Variants in MEI4 observed in about 807,000 individuals in gnomAD.
MEI4 encodes the protein meiosis-specific protein MEI4.
In MEI4, 27 loss-of-function variants were observed where a neutral mutation model predicts 31.4. The ratio of observed to expected loss-of-function variants is 0.86; its 90% CI spans 0.63 to 1.19. The LOEUF (loss-of-function observed/expected upper bound fraction) is 1.19. MEI4 is among the 50% of genes most tolerant of loss of function. The probability of loss-of-function intolerance (pLI) is 0.00; values close to 1 mark genes in which losing one functional copy is unlikely to be tolerated. For synonymous variants in MEI4, 122 were observed against 145.4 expected (o/e 0.84, Z 1.16); for missense variants, 329 against 398.9 (o/e 0.82, Z 1.49).
chr6:77,915,431 CT>C (rs925429449), intron 4 of MEI4, among the ~76,000 whole-genome samples: 6 of 151,804 alleles, frequency 4.0e-5, no homozygotes, highest in African/African-American at 1.5e-4. Flanking sequence ...AGGTTTTTTC[CT>C]TTTTTTAGAC....
rs192909103 is a variant in MEI4 at position 77,823,892 on chromosome 6, G to C, written c.769-5039G>C. On this transcript the variant is annotated intron_variant, in intron 3 of 4. Transcript: ENST00000684080. ...TATCCTACTGTCCAGCTTGCTTACA[G>C]TGCTGGCCTGTTACAGAGGTTGATG... 4.1e-3 allele frequency among the ~76,000 whole-genome samples: 581 copies of C among 141,558 alleles called. 3 individuals are homozygous for C. The highest frequency in any genetic ancestry group is 6.4e-3 in the Non-Finnish European group (414 of 65,084). 92.9% of individuals were successfully genotyped at this position (141,558 alleles called of 152,430 possible).
At chr6:77,707,097 T>C (rs1766350670) in intron 2 of MEI4, among the ~76,000 whole-genome samples, 1 of 135,968 alleles carries the variant, frequency 7.4e-6, no homozygotes, top group Non-Finnish European at 1.7e-5. Context: ...GACAGGAAGC[T>C]AAGGGAAAGT....
intron 3 of MEI4, among the ~76,000 whole-genome samples, chr6:77,777,787 T>C (rs992862861): frequency 2.6e-5 from 4 of 152,038 alleles, no homozygotes; most frequent in Non-Finnish European, 4.4e-5. Flanking sequence ...AATGCAAAAC[T>C]TACATTTAAA....
At chr6:77,745,277 C>G (rs1269784104) in intron 2 of MEI4, among the ~76,000 whole-genome samples, 3 of 152,092 alleles carry the variant, frequency 2.0e-5, no homozygotes, top group African/African-American at 7.2e-5. Context: ...GGAGGAAGAC[C>G]TACCAAGCAA....
intron 1 of MEI4, among the ~76,000 whole-genome samples, chr6:77,679,388 C>T (rs951075707): frequency 4.0e-5 from 6 of 150,660 alleles, no homozygotes; most frequent in African/African-American, 1.5e-4. Context: ...TATTTAGATA[C>T]ACAAATATTT....
intron 3 of MEI4, among the ~76,000 whole-genome samples, chr6:77,824,182 T>C (rs958246096): frequency 5.9e-5 from 9 of 152,120 alleles, no homozygotes; most frequent in Non-Finnish European, 1.0e-4. Flanking sequence ...CTCCACCTCC[T>C]GGGTTCAAGC....
intron 4 of MEI4, among the ~76,000 whole-genome samples, chr6:77,841,333 A>ATATATATATTT: frequency 4.0e-4 from 11 of 27,738 alleles, no homozygotes; most frequent in African/African-American, 2.0e-3. Context: ...ATATATATAT[A>ATATATATATTT]TTTTTTTTTT....
intron 4 of MEI4, among the ~76,000 whole-genome samples, chr6:77,921,517 T>C (rs1314082929): frequency 6.6e-6 from 1 of 151,820 alleles, no homozygotes; most frequent in African/African-American, 2.4e-5. Flanking sequence ...GAACTTTACT[T>C]TTAATTTCCT....
intron 1 of MEI4, among the ~76,000 whole-genome samples, chr6:77,659,295 G>A (rs3967663): frequency 6.6e-6 from 1 of 152,124 alleles, no homozygotes; most frequent in Non-Finnish European, 1.5e-5. Context: ...GGGTAAGGAA[G>A]ACTAGTGTGC....
At chr6:77,792,810 T>A (rs1253055475) in intron 3 of MEI4, among the ~76,000 whole-genome samples, 1 of 152,034 alleles carries the variant, frequency 6.6e-6, no homozygotes, top group East Asian at 1.9e-4. Flanking sequence ...ACTCCTGGGT[T>A]CACACCATTC....
At chr6:77,698,152 A>T (rs901816974) in intron 2 of MEI4, among the ~76,000 whole-genome samples, 1 of 152,106 alleles carries the variant, frequency 6.6e-6, no homozygotes, top group Non-Finnish European at 1.5e-5. Context: ...TTTTGAGCCC[A>T]TGTGTGTCTC....
chr6:77,850,948 C>A (rs371827825), intron 4 of MEI4, among the ~76,000 whole-genome samples: 1 of 152,050 alleles, frequency 6.6e-6, no homozygotes, highest in East Asian at 1.9e-4. Flanking sequence ...AAGAAAAAAA[C>A]GAACAACCCC....
intron 2 of MEI4, among the ~76,000 whole-genome samples, chr6:77,696,432 A>G (rs1368859492): frequency 6.6e-6 from 1 of 152,192 alleles, no homozygotes; most frequent in African/African-American, 2.4e-5. Context: ...ATTTTGAGGT[A>G]CGTCCCATCA....
chr6:77,809,800 T>G (rs147084215), intron 3 of MEI4, among the ~76,000 whole-genome samples: 1,565 of 152,266 alleles, frequency 0.01, 24 homozygotes, highest in African/African-American at 0.035. Flanking sequence ...GCATGTGAAG[T>G]TATCAGATGA....
intron 1 of MEI4, among the ~76,000 whole-genome samples, chr6:77,655,083 G>A (rs1768368542): frequency 6.6e-6 from 1 of 152,050 alleles, no homozygotes; most frequent in African/African-American, 2.4e-5. Context: ...AGGCCCCGGT[G>A]TGTGATGTTC....
At chr6:77,801,523 C>G (rs1464235188) in intron 3 of MEI4, among the ~76,000 whole-genome samples, 2 of 152,134 alleles carry the variant, frequency 1.3e-5, no homozygotes, top group Non-Finnish European at 2.9e-5. Flanking sequence ...TTCTTGCCTT[C>G]TGCTAGCTTT....
intron 1 of MEI4, among the ~76,000 whole-genome samples, chr6:77,678,024 A>G (rs1442324777): frequency 1.3e-5 from 2 of 152,162 alleles, no homozygotes; most frequent in East Asian, 1.9e-4. Context: ...AAAAATTTTC[A>G]TGGTTTTAAA....
chr6:77,688,015 T>C (rs1205808228), intron 1 of MEI4, among the ~76,000 whole-genome samples: 1 of 152,118 alleles, frequency 6.6e-6, no homozygotes, highest in Non-Finnish European at 1.5e-5. Flanking sequence ...ATCCTGAAGC[T>C]TTCTAGGGGC....
intron 2 of MEI4, among the ~76,000 whole-genome samples, chr6:77,731,985 A>C (rs1451245019): frequency 6.8e-6 from 1 of 147,112 alleles, no homozygotes; most frequent in African/African-American, 2.6e-5. Flanking sequence ...CCATTGATCT[A>C]TATCTCTGTT....
Sources: allele counts gnomAD v4.1 joint callset (sites outside exome capture counted in the v4.1 genomes callset), GRCh38; gene constraint gnomAD v4.1.1; transcripts MANE v1.5; gene names NCBI Gene and HGNC (gene_info 2026-07-23, HGNC 2026-07-21).